RAB19: variants seen among roughly 807,000 people sequenced by gnomAD.
The protein encoded by RAB19 is ras-related protein Rab-19.
In RAB19, 21 loss-of-function variants were observed where a neutral mutation model predicts 17.3. The ratio of observed to expected loss-of-function variants is 1.21; its 90% CI spans 0.86 to 1.74. The LOEUF is 1.74. Among genes scored for constraint, RAB19 ranks in the 40% most tolerant of loss-of-function variants. The probability of loss-of-function intolerance (pLI) is 0.00; values close to 1 mark genes in which losing one functional copy is unlikely to be tolerated. For missense variants in RAB19, 277 were observed against 286.8 expected (o/e 0.97, Z 0.25); for synonymous variants, 126 against 110.4 (o/e 1.14, Z -0.88).
intron 3 of RAB19, among the ~76,000 whole-genome samples, chr7:140,414,176 C>T (rs1167534988): frequency 6.6e-6 from 1 of 152,186 alleles, no homozygotes; most frequent in Non-Finnish European, 1.5e-5. Context: ...TCCCAAGTAG[C>T]TGGGATTACA....
intron 3 of RAB19, among the ~76,000 whole-genome samples, chr7:140,424,292 G>C (rs947706170): frequency 6.6e-6 from 1 of 151,604 alleles, no homozygotes; most frequent in Non-Finnish European, 1.5e-5. Context: ...CAAGTAGCTG[G>C]GACTACAGGC....
chr7:140,406,495 C>G (rs1190043060), intron 1 of RAB19, among the ~76,000 whole-genome samples: 1 of 151,488 alleles, frequency 6.6e-6, no homozygotes, highest in Non-Finnish European at 1.5e-5. Context: ...CAAAAATTAC[C>G]TGGGTGTGGT....
chr7:140,415,144 G>A (rs561531964), intron 3 of RAB19, among the ~76,000 whole-genome samples: 2 of 150,080 alleles, frequency 1.3e-5, no homozygotes, highest in Admixed American at 6.7e-5. Flanking sequence ...GTGCAATCTC[G>A]GCTCACTGCA....
At chr7:140,413,743 T>C (rs1799407292) in intron 3 of RAB19, among the ~76,000 whole-genome samples, 1 of 152,006 alleles carries the variant, frequency 6.6e-6, no homozygotes, top group African/African-American at 2.4e-5. Flanking sequence ...AACTGTTATG[T>C]CCTAGTAGAG....
intron 3 of RAB19, among the ~76,000 whole-genome samples, chr7:140,420,932 G>A (rs7809972): frequency 0.027 from 4,044 of 151,466 alleles, 159 homozygotes; most frequent in African/African-American, 0.092. Context: ...TTGCTCTGTC[G>A]CCCAGGTTGG....
intron 3 of RAB19, among the ~76,000 whole-genome samples, chr7:140,421,518 C>T (rs1175187428): frequency 6.6e-6 from 1 of 152,152 alleles, no homozygotes; most frequent in African/African-American, 2.4e-5. Flanking sequence ...TGCCACTACG[C>T]CCAGCTAATT....
At chr7:140,422,463 G>A (rs1799578414) in intron 3 of RAB19, among the ~76,000 whole-genome samples, 1 of 152,012 alleles carries the variant, frequency 6.6e-6, no homozygotes, top group African/African-American at 2.4e-5. Flanking sequence ...ACATGAGTTT[G>A]TTTCTGAGCT....
In RAB19 at chr7:140,411,548, A is replaced by AAG. The variant is rs538870825; in HGVS notation, c.202-325_202-324insGA. Among the ~76,000 whole-genome samples the AAG allele has an allele frequency of 9.9e-5, 15 of 152,122 alleles. No homozygotes were observed. The South Asian group carries it at 3.1e-3, about 32-fold the overall frequency. Reference sequence around the variant, plus strand: ...TGATACCTGATGAGCTAAAAAAAAAAAAAATGCAGAAAAACTCATAATATT... The same window carrying AAG: ...TGATACCTGATGAGCTAAAAAAAAAAAGAAAATGCAGAAAAACTCATAATATT... On this transcript the variant is annotated intron_variant, in intron 2 of 3. Coordinates refer to ENST00000537763, the MANE Select transcript of RAB19 (RefSeq NM_001008749.3).
chr7:140,409,925 G>A (rs1358854490), intron 2 of RAB19, among the ~76,000 whole-genome samples: 2 of 145,452 alleles, frequency 1.4e-5, no homozygotes, highest in African/African-American at 2.5e-5. Context: ...CCCGGGAGGC[G>A]GAGCTTGCAC....
intron 3 of RAB19, 115 bp downstream of exon 3, chr7:140,412,172 C>T (rs967220794): frequency 8.8e-6 from 10 of 1,131,892 alleles, no homozygotes; most frequent in African/African-American, 6.1e-5. Context: ...AGTGATGCAG[C>T]CGGGCACAGT....
At chr7:140,421,154 G>A (rs1332010034) in intron 3 of RAB19, among the ~76,000 whole-genome samples, 7 of 151,974 alleles carry the variant, frequency 4.6e-5, no homozygotes, top group African/African-American at 1.7e-4. Flanking sequence ...GCCTCCCAAA[G>A]TGCTGGGGTT....
In RAB19 at chr7:140,415,061, T is replaced by TTTTTC. The variant is rs199573586; in HGVS notation, c.385+3024_385+3028dup. On this transcript the variant is annotated intron_variant, in intron 3 of 3. Transcript: ENST00000537763. ...CACTCCATCAGACCTGACCTCTTTTTTTTTCTTTTCTTTTCTTTTCTTTTT... is the reference window on the plus strand; with the variant it reads ...CACTCCATCAGACCTGACCTCTTTTTTTTTCTTTTCTTTTCTTTTCTTTTCTTTTT... Among the ~76,000 whole-genome samples, 9 of 151,856 alleles carry TTTTTC rather than the reference T, an allele frequency of 5.9e-5. No homozygotes were observed. In the South Asian group the frequency reaches 6.2e-4, roughly 11 times the overall value.
intron 2 of RAB19, 26 bp downstream of exon 2, chr7:140,407,873 G>C (rs1209594675): frequency 8.2e-7 from 1 of 1,215,288 alleles, no homozygotes; most frequent in Non-Finnish European, 1.2e-6. Context: ...GACGGGACTG[G>C]TTCCACCTTT....
chr7:140,426,844 T>C lies in RAB19; in HGVS notation c.*694T>C, dbSNP rs1401998923. ...ACCTGCAATTTTTTTTCTTTCTTTT[T>C]TTTTTTTTTTTTTTTGAGACAGGGT... On this transcript the variant is annotated 3_prime_UTR_variant, in exon 4 of 4. Coordinates refer to ENST00000537763, the MANE Select transcript of RAB19 (RefSeq NM_001008749.3). Among the ~76,000 whole-genome samples the C allele has an allele frequency of 1.3e-5, 2 of 148,296 alleles. No individual in the cohort carries two copies. Among genetic ancestry groups the C allele is most frequent in the African/African-American group, 5.0e-5 (2 of 40,126 alleles).
intron 2 of RAB19, among the ~76,000 whole-genome samples, chr7:140,408,137 C>T (rs1006142673): frequency 1.3e-5 from 2 of 151,674 alleles, no homozygotes; most frequent in African/African-American, 2.4e-5. Context: ...CCACCCACCT[C>T]GGCCTCCCAG....
intron 3 of RAB19, among the ~76,000 whole-genome samples, chr7:140,418,014 C>T (rs1398683109): frequency 6.6e-6 from 1 of 152,118 alleles, no homozygotes; most frequent in Non-Finnish European, 1.5e-5. Flanking sequence ...CTCCATGGGC[C>T]CCCGTTCCTA....
At chr7:140,406,652 A>C (rs1206751013) in intron 1 of RAB19, among the ~76,000 whole-genome samples, 1 of 146,688 alleles carries the variant, frequency 6.8e-6, no homozygotes, top group Non-Finnish European at 1.5e-5. Flanking sequence ...AAAAAAAAAG[A>C]AAAAAAAAAA....
chr7:140,410,335 T>A, intron 2 of RAB19, among the ~76,000 whole-genome samples: 1 of 140,436 alleles, frequency 7.1e-6, no homozygotes, highest in Non-Finnish European at 1.6e-5. Context: ...TTTTTTTTTT[T>A]TTGAGACGGA....
chr7:140,407,765 G>A lies in RAB19; in HGVS notation c.119G>A (p.Gly40Glu). 6.2e-7 allele frequency: 1 copy of A among 1,613,672 alleles called. No homozygotes were observed. Among genetic ancestry groups the A allele is most frequent in the Non-Finnish European group, 8.5e-7 (1 of 1,179,928 alleles). ...KTCVVQHFKS[G>E]VYTETQQNTI... ...TGTGTGGTGCAGCATTTCAAGTCTG[G>A]AGTCTACACTGAGACACAGCAGAAC... Residue 40 changes from glycine to glutamate, a missense_variant, in exon 2 of 4, where the codon GGA (glycine) becomes GAA (glutamate). Transcript: ENST00000537763.
Sources: allele counts gnomAD v4.1 joint callset (sites outside exome capture counted in the v4.1 genomes callset), GRCh38; gene constraint gnomAD v4.1.1; transcripts MANE v1.5; gene names NCBI Gene and HGNC (gene_info 2026-07-23, HGNC 2026-07-21).